The following S100A11 variants were observed in gnomAD, a reference collection of about 807,000 sequenced individuals.
The protein encoded by S100A11 is protein S100-A11.
A neutral mutation model predicts 7.4 loss-of-function variants in S100A11; 5 were observed. That is an observed-to-expected ratio of 0.68 (90% CI 0.35 to 1.42). S100A11 has a LOEUF of 1.42. Among genes scored for constraint, S100A11 ranks in the 40% most tolerant of loss-of-function variants. The pLI, the probability that S100A11 is intolerant of heterozygous loss-of-function variation, is 0.04. For missense variants in S100A11, 96 were observed against 125.0 expected (o/e 0.77, Z 1.11); for synonymous variants, 47 against 46.6 (o/e 1.01, Z -0.04).
chr1:152,032,793 T>C lies in S100A11; in HGVS notation c.187A>G (p.Met63Val). 2 of 1,613,858 alleles carry C rather than the reference T, an allele frequency of 1.2e-6. No homozygotes were observed. Among genetic ancestry groups the C allele is most frequent in the Non-Finnish European group, 1.7e-6 (2 of 1,179,724 alleles). ...CTGTTGGTGTCCAGTTTCTTCATCA[T>C]GCGGTCAAGGACACCAGGGTCCTTC... ...NQKDPGVLDR[M>V]MKKLDTNSDG... Residue 63 changes from methionine to valine, a missense_variant, in exon 3 of 3, where the codon ATG becomes GTG. Transcript: ENST00000271638.
rs1336815456 is a variant in S100A11, at chr1:152,032,623, G to A, written c.*39C>T. The A allele has an allele frequency of 1.1e-5, 17 of 1,579,438 alleles. No homozygotes were observed. The highest frequency in any genetic ancestry group is 1.7e-6 in the Non-Finnish European group (2 of 1,154,704). ...GGAGATGATGACAGAAAGGCTGGAA[G>A]GAAAGGGGGTGGGTTTGAAGGCCAG... On this transcript the variant is annotated 3_prime_UTR_variant, in exon 3 of 3. Coordinates refer to ENST00000271638, the MANE Select transcript of S100A11 (RefSeq NM_005620.2).
At chr1:152,036,408 G>A (rs1300323749) in intron 1 of S100A11, among the ~76,000 whole-genome samples, 1 of 152,196 alleles carries the variant, frequency 6.6e-6, no homozygotes, top group African/African-American at 2.4e-5. Flanking sequence ...GTCCCGTTGG[G>A]TCTTGGCCGT....
At chr1:152,036,599 A>C (rs1163954573) in intron 1 of S100A11, among the ~76,000 whole-genome samples, 1 of 151,254 alleles carries the variant, frequency 6.6e-6, no homozygotes. Context: ...GGCTGGAGGC[A>C]GTGACCCACG....
At position 152,032,790 on chromosome 1, in the gene S100A11, T is replaced by C. The variant is rs1162033273; in HGVS notation, c.190A>G (p.Met64Val). The change falls in exon 3 of 3, where the codon ATG (methionine) becomes GTG (valine). Residue 64 changes from methionine (M) to valine (V), a missense_variant. Coordinates refer to ENST00000271638, the MANE Select transcript of S100A11 (RefSeq NM_005620.2). Reference protein sequence around the residue: ...QKDPGVLDRMMKKLDTNSDGQ... With the variant: ...QKDPGVLDRMVKKLDTNSDGQ... ...TCACTGTTGGTGTCCAGTTTCTTCA[T>C]CATGCGGTCAAGGACACCAGGGTCC... 1.2e-6 allele frequency: 2 copies of C among 1,613,880 alleles called. No individual in the cohort carries two copies. Among genetic ancestry groups the C allele is most frequent in the South Asian group, 2.2e-5 (2 of 91,086 alleles).
rs1410319106 is a variant in S100A11 at position 152,036,893 on chromosome 1, A to G, written c.3+20T>C. 5 of 1,605,818 alleles carry G rather than the reference A, an allele frequency of 3.1e-6. No homozygotes were observed. Among genetic ancestry groups the G allele is most frequent in the Non-Finnish European group, 4.3e-6 (5 of 1,172,804 alleles). On this transcript the variant is annotated intron_variant, in intron 1 of 2. Transcript: ENST00000271638. Reference sequence around the variant, plus strand: ...TTTTTCTTTTCATGTAAGAAGAAGAAGAAGAAAAGTGAGGCTTACCATGTT... The same window carrying G: ...TTTTTCTTTTCATGTAAGAAGAAGAGGAAGAAAAGTGAGGCTTACCATGTT...
chr1:152,035,757 T>G (rs778918755), intron 1 of S100A11, among the ~76,000 whole-genome samples: 2 of 152,158 alleles, frequency 1.3e-5, no homozygotes, highest in African/African-American at 2.4e-5. Flanking sequence ...TCTTACTTGG[T>G]GGGGATGGCG....
intron 1 of S100A11, among the ~76,000 whole-genome samples, chr1:152,034,406 A>C (rs1656795373): frequency 6.6e-6 from 1 of 152,268 alleles, no homozygotes; most frequent in Non-Finnish European, 1.5e-5. Context: ...GAGGAAACGG[A>C]CAGGAGAAGG....
rs1656846790 is a variant in S100A11 at position 152,036,954 on chromosome 1, G to A, written c.-39C>T. On this transcript the variant is annotated 5_prime_UTR_variant, in exon 1 of 3. Transcript: ENST00000271638. ...GAGGCGCGGGAGGCTGTGGCTGGGA[G>A]CGGCGCTGAGAGCTCTGTGCGCGCG... is the stretch of plus-strand genomic sequence containing the variant. 4 of 1,613,100 alleles carry A rather than the reference G, an allele frequency of 2.5e-6. No homozygotes were observed. In the East Asian group the frequency reaches 8.9e-5, roughly 36 times the overall value.
chr1:152,032,692 G>C lies in S100A11; in HGVS notation c.288C>G (p.Leu96=). The C allele has an allele frequency of 1.2e-6, 2 of 1,613,736 alleles. No individual in the cohort carries two copies. The highest frequency in any genetic ancestry group is 1.7e-6 in the Non-Finnish European group (2 of 1,179,680). ...GLAMACHDSF[L]KAVPSQKRT ...TCCGCTTCTGGGAAGGGACAGCCTT[G>C]AGGAAGGAGTCATGGCAAGCCATAG... Residue 96 remains leucine, a synonymous_variant, in exon 3 of 3, where the codon CTC becomes CTG. Coordinates refer to ENST00000271638, the MANE Select transcript of S100A11 (RefSeq NM_005620.2).
At position 152,033,826 on chromosome 1, in the gene S100A11, T is replaced by G; in HGVS notation, c.4-26A>C. 4 of 1,610,062 alleles carry G rather than the reference T, an allele frequency of 2.5e-6. No homozygotes were observed. The highest frequency in any genetic ancestry group is 3.4e-6 in the Non-Finnish European group (4 of 1,176,364). On this transcript the variant is annotated intron_variant, in intron 1 of 2. Coordinates refer to ENST00000271638, the MANE Select transcript of S100A11 (RefSeq NM_005620.2). This position sits in a 1 kb window ranked among gnomAD's most constrained non-coding sequence, Gnocchi z 4.0. ...CTTTGGAGAAAAAAAATTGCAGGGC[T>G]CAGACAAGGGAAGATGTCAAGGCTG... is the stretch of plus-strand genomic sequence containing the variant.
chr1:152,032,869 G>C, intron 2 of S100A11, 46 bp from the exon 3 acceptor site: 1 of 1,428,428 alleles, frequency 7.0e-7, no homozygotes, highest in Non-Finnish European at 9.8e-7. Context: ...ATCTTCTAAT[G>C]TGCTTTCAAA....
intron 1 of S100A11, among the ~76,000 whole-genome samples, chr1:152,036,488 C>G (rs1435778404): frequency 6.6e-6 from 1 of 152,204 alleles, no homozygotes; most frequent in Non-Finnish European, 1.5e-5. Flanking sequence ...TGTCCCTTTT[C>G]TGGTGTACAG....
Position 152,033,604 on chromosome 1 carries a change from T to G in S100A11, c.156+44A>C. On this transcript the variant is annotated intron_variant, in intron 2 of 2. Transcript: ENST00000271638. This position sits in a 1 kb window ranked among gnomAD's most constrained non-coding sequence, Gnocchi z 4.0. The stretch of plus-strand genomic sequence containing the variant: ...GCCATTCTGCCAGGGTCTTGTTTCA[T>G]GTTGTGGGTAGTTTGGGGAAGTGGG... 6.3e-7 allele frequency: 1 copy of G among 1,585,646 alleles called. No homozygotes were observed. The highest frequency in any genetic ancestry group is 8.6e-7 in the Non-Finnish European group (1 of 1,156,866).
In S100A11 at chr1:152,032,572, G is replaced by T; in HGVS notation, c.*90C>A. On this transcript the variant is annotated 3_prime_UTR_variant, in exon 3 of 3. Coordinates refer to ENST00000271638, the MANE Select transcript of S100A11 (RefSeq NM_005620.2). Reference sequence around the variant, plus strand: ...AGGTGGGGCCTGCATGAGGTGGTTAGTGTGCTCAGGGGATGGGTGGGCTGT... The same window carrying T: ...AGGTGGGGCCTGCATGAGGTGGTTATTGTGCTCAGGGGATGGGTGGGCTGT... 2 of 1,189,494 alleles carry T rather than the reference G, an allele frequency of 1.7e-6. No homozygotes were observed. The highest frequency in any genetic ancestry group is 1.2e-6 in the Non-Finnish European group (1 of 837,130). The allele number at this position is 1,189,494 out of a possible 1,614,324, so 73.7% of individuals were successfully genotyped here. A position where few individuals can be genotyped will look rare whatever the true frequency, so the allele number is the denominator to read the frequency against.
Position 152,033,846 on chromosome 1 carries a change from A to T in S100A11, c.4-46T>A. ...AGGGCTCAGACAAGGGAAGATGTCA[A>T]GGCTGGATACTGGAGAAAACTCCAG... On this transcript the variant is annotated intron_variant, in intron 1 of 2. Coordinates refer to ENST00000271638, the MANE Select transcript of S100A11 (RefSeq NM_005620.2). The surrounding 1 kb of genome is among the most constrained non-coding windows in gnomAD (Gnocchi z 4.0). The T allele has an allele frequency of 1.3e-6, 2 of 1,568,734 alleles. No homozygotes were observed. Among genetic ancestry groups the T allele is most frequent in the Non-Finnish European group, 1.8e-6 (2 of 1,139,742 alleles).
chr1:152,034,330 A>G (rs1656793415), intron 1 of S100A11, among the ~76,000 whole-genome samples: 1 of 152,258 alleles, frequency 6.6e-6, no homozygotes, highest in African/African-American at 2.4e-5. Flanking sequence ...AGTGGGAGAT[A>G]GAACTTTTTA....
chr1:152,034,726 G>A (rs986155650), intron 1 of S100A11, among the ~76,000 whole-genome samples: 1 of 152,222 alleles, frequency 6.6e-6, no homozygotes, highest in African/African-American at 2.4e-5. Context: ...GCCTCCCTCT[G>A]GTGGGTAGAA....
Position 152,032,611 on chromosome 1 carries a change from G to A in S100A11, c.*51C>T. 1 of 1,561,776 alleles carries A rather than the reference G, an allele frequency of 6.4e-7. No individual in the cohort carries two copies. The highest frequency in any genetic ancestry group is 8.8e-7 in the Non-Finnish European group (1 of 1,142,356). The stretch of plus-strand genomic sequence containing the variant: ...TGGGTGGGCTGTGGAGATGATGACA[G>A]AAAGGCTGGAAGGAAAGGGGGTGGG... On this transcript the variant is annotated 3_prime_UTR_variant, in exon 3 of 3. Coordinates refer to ENST00000271638, the MANE Select transcript of S100A11 (RefSeq NM_005620.2).
chr1:152,032,531 C>A lies in S100A11; in HGVS notation c.*131G>T. On this transcript the variant is annotated 3_prime_UTR_variant, in exon 3 of 3. Coordinates refer to ENST00000271638, the MANE Select transcript of S100A11 (RefSeq NM_005620.2). ...TTCATGTTTTAAAAAAGTGACATTG[C>A]TTTATTACTATTGGCAGGTGGGGCC... 2 of 710,582 alleles carry A rather than the reference C, an allele frequency of 2.8e-6. No individual in the cohort carries two copies. The highest frequency in any genetic ancestry group is 4.6e-6 in the Non-Finnish European group (2 of 436,486). The allele number at this position is 710,582 out of a possible 1,614,324, so 44.0% of individuals were successfully genotyped here. A position where few individuals can be genotyped will look rare whatever the true frequency, so the allele number is the denominator to read the frequency against.
Sources: gnomAD v4.1 joint callset for allele counts (sites outside exome capture counted in the v4.1 genomes callset) on GRCh38, gnomAD v4.1.1 for gene constraint, Gnocchi (gnomAD v3.1) non-coding constraint, MANE v1.5 for transcripts, NCBI Gene and HGNC (gene_info 2026-07-23, HGNC 2026-07-21) for gene names.